The following MYOM1 variants were observed in gnomAD, a reference collection of about 807,000 sequenced individuals.
The protein encoded by MYOM1 is myomesin 1.
A neutral mutation model predicts 205.3 loss-of-function variants in MYOM1; 164 were observed. The observed-to-expected ratio is 0.80, with a 90% CI of 0.70 to 0.91. The LOEUF (loss-of-function observed/expected upper bound fraction) is 0.91, where lower values mean the gene tolerates loss of function less well. Ranked by LOEUF, MYOM1 falls within the 40% of genes least tolerant of loss-of-function variation. MYOM1 has a pLI of 0.00. For missense variants in MYOM1, 2,011 were observed against 2,127.3 expected, an observed-to-expected ratio of 0.95 and a Z score of 1.08; for synonymous variants, 772 against 789.4, an observed-to-expected ratio of 0.98 and a Z score of 0.37.
intron 35 of MYOM1, 110 bp downstream of exon 35, chr18:3,075,615 G>T (rs1194815578): frequency 7.0e-7 from 1 of 1,419,124 alleles, no homozygotes. Context: ...TGCTTCTACT[G>T]TACTTTCTGA....
intron 5 of MYOM1, among the ~76,000 whole-genome samples, chr18:3,181,538 A>T (rs2080730007): frequency 6.6e-6 from 1 of 152,156 alleles, no homozygotes; most frequent in African/African-American, 2.4e-5. Context: ...TAATAATTCT[A>T]ATCTTGAAAA....
At chr18:3,168,461 G>A (rs1344205912) in intron 9 of MYOM1, among the ~76,000 whole-genome samples, 1 of 152,012 alleles carries the variant, frequency 6.6e-6, no homozygotes, top group South Asian at 2.1e-4. Flanking sequence ...GCTAATTTTC[G>A]TATTTTTAGT....
At chr18:3,207,278 CTGACTATTCCATAAG>C (rs2081135684) in intron 2 of MYOM1, among the ~76,000 whole-genome samples, 1 of 152,168 alleles carries the variant, frequency 6.6e-6, no homozygotes, top group Non-Finnish European at 1.5e-5. Context: ...TTATTCACTT[CTGACTATTCCATAAG>C]TGAATTTAAT....
chr18:3,231,531 ATCC>A, the MYOM1 span, among the ~76,000 whole-genome samples: 1 of 139,194 alleles, frequency 7.2e-6, no homozygotes, highest in Non-Finnish European at 1.5e-5. Context: ...TAAAATATGC[ATCC>A]TTTTTTTTTT....
intron 5 of MYOM1, among the ~76,000 whole-genome samples, chr18:3,178,737 C>T (rs569330184): frequency 6.6e-6 from 1 of 152,338 alleles, no homozygotes; most frequent in South Asian, 2.1e-4. Flanking sequence ...CAGTATGAAT[C>T]GTTCCTGCCT....
rs1030275988 is a variant in MYOM1, at chr18:3,089,329, T to A, written c.4070-88A>T. On this transcript the variant is annotated intron_variant, in intron 28 of 37. Coordinates refer to ENST00000356443, the MANE Select transcript of MYOM1 (RefSeq NM_003803.4). The stretch of plus-strand genomic sequence containing the variant: ...CACTTAAGTCCTAAGGTGATTTACA[T>A]CTGAAGTCAGATTTTTAAAATTCTA... The A allele has an allele frequency of 3.8e-6, 4 of 1,057,652 alleles. No individual in the cohort carries two copies. The African/African-American group carries it at 6.4e-5, about 17-fold the overall frequency. The allele number at this position is 1,057,652 out of a possible 1,614,324, so 65.5% of individuals were successfully genotyped here.
intron 19 of MYOM1, among the ~76,000 whole-genome samples, chr18:3,122,445 C>T (rs2079709303): frequency 6.6e-6 from 1 of 151,998 alleles, no homozygotes; most frequent in African/African-American, 2.4e-5. Flanking sequence ...CACTTTGTAT[C>T]CATTTAAAAA....
At chr18:3,184,613 G>C (rs2080784583) in intron 5 of MYOM1, among the ~76,000 whole-genome samples, 1 of 152,194 alleles carries the variant, frequency 6.6e-6, no homozygotes, top group Non-Finnish European at 1.5e-5. Flanking sequence ...TACCCAGGCT[G>C]GGATGCAGTG....
In MYOM1 at chr18:3,177,612, C is replaced by T. The variant is rs1011855522; in HGVS notation, c.930-1478G>A. Among the ~76,000 whole-genome samples the T allele has an allele frequency of 2.6e-5, 4 of 152,052 alleles. No individual in the cohort carries two copies. In the South Asian group the frequency reaches 8.3e-4, roughly 32 times the overall value. On this transcript the variant is annotated intron_variant, in intron 5 of 37. Transcript: ENST00000356443. ...TCAGCCTCCCCAGTAGCTGGGATTACAGGCACCGGCCACTACGCCTGGCTA... is the reference window on the plus strand; with the variant it reads ...TCAGCCTCCCCAGTAGCTGGGATTATAGGCACCGGCCACTACGCCTGGCTA...
intron 25 of MYOM1, among the ~76,000 whole-genome samples, chr18:3,096,038 T>A (rs9945324): frequency 1.3e-5 from 2 of 152,138 alleles, no homozygotes; most frequent in African/African-American, 4.8e-5. Context: ...CTCCTGGAAG[T>A]CTCCAGCTCC....
At chr18:3,116,217 C>T in intron 21 of MYOM1, 114 bp downstream of exon 21, 1 of 1,106,426 alleles carries the variant, frequency 9.0e-7, no homozygotes, top group South Asian at 1.7e-5. Flanking sequence ...TTACCAGGAG[C>T]CCAATATATG....
the MYOM1 span, among the ~76,000 whole-genome samples, chr18:3,235,885 A>G: frequency 3.5e-4 from 53 of 152,230 alleles, no homozygotes; most frequent in African/African-American, 1.2e-3. Context: ...GAAAGAGTTG[A>G]GGGCATGAGT....
At chr18:3,172,379 GAGAGGAAAGGGAGAAA>G (rs2080571852) in intron 8 of MYOM1, among the ~76,000 whole-genome samples, 2 of 152,182 alleles carry the variant, frequency 1.3e-5, no homozygotes, top group Non-Finnish European at 2.9e-5. Flanking sequence ...TGACAGAGAA[GAGAGGAAAGGGAGAAA>G]CATGGATGAT....
chr18:3,154,889 A>C, intron 11 of MYOM1, 58 bp downstream of exon 11: 1 of 1,550,914 alleles, frequency 6.4e-7, no homozygotes. Context: ...GATGGGAGAA[A>C]TCAAGCACGC....
intron 3 of MYOM1, among the ~76,000 whole-genome samples, 180 bp downstream of exon 3, chr18:3,193,638 T>G (rs1270398367): frequency 6.6e-6 from 1 of 152,160 alleles, no homozygotes; most frequent in Non-Finnish European, 1.5e-5. Context: ...TCTGAATCAG[T>G]ATATAGTAAG....
At position 3,075,731 on chromosome 18, in the gene MYOM1, C is replaced by T. The variant is rs1342151192; in HGVS notation, c.4679G>A (p.Arg1560Lys). The T allele has an allele frequency of 2.5e-6, 4 of 1,600,630 alleles. No individual in the cohort carries two copies. In the South Asian group the frequency reaches 3.4e-5, roughly 13 times the overall value. ...GCTAGGACCAGGGACTTACTTCAACCTCTGGAATTCAGCATAGGCCTCATC... is the reference window on the plus strand; with the variant it reads ...GCTAGGACCAGGGACTTACTTCAACTTCTGGAATTCAGCATAGGCCTCATC... ...AYDEAYAEFQ[R>K]LKQAAIAEKN... The change falls in exon 35 of 38, where the codon AGG becomes AAG. Residue 1560 changes from arginine (R) to lysine (K), a missense_variant. Arg to Lys is a conservative substitution (Grantham distance 26). Coordinates refer to ENST00000356443, the MANE Select transcript of MYOM1 (RefSeq NM_003803.4).
At chr18:3,237,323 G>A in the MYOM1 span, among the ~76,000 whole-genome samples, 15 of 152,224 alleles carry the variant, frequency 9.9e-5, no homozygotes, top group South Asian at 2.1e-4. Context: ...AGACATGGCC[G>A]GGTGTGGTGG....
At chr18:3,173,573 C>CGTGTGTGTGT (rs71159051) in intron 8 of MYOM1, among the ~76,000 whole-genome samples, 383 of 136,996 alleles carry the variant, frequency 2.8e-3, no homozygotes, top group African/African-American at 8.4e-3. Context: ...AGTCCAGACT[C>CGTGTGTGTGT]GTGTGTGTGT....
intron 9 of MYOM1, among the ~76,000 whole-genome samples, chr18:3,166,664 C>T (rs1173930400): frequency 6.6e-6 from 1 of 151,926 alleles, no homozygotes; most frequent in Non-Finnish European, 1.5e-5. Context: ...GTTTTTTTAC[C>T]TGAACAAAAT....
Sources: gnomAD v4.1 joint callset for allele counts (sites outside exome capture counted in the v4.1 genomes callset) on GRCh38, gnomAD v4.1.1 for gene constraint, MANE v1.5 for transcripts, NCBI Gene and HGNC (gene_info 2026-07-23, HGNC 2026-07-21) for gene names.